NLGN1: variants seen among roughly 807,000 people sequenced by gnomAD.
NLGN1 encodes neuroligin-1.
A neutral mutation model predicts 65.5 loss-of-function variants in NLGN1; 12 were observed. The observed-to-expected ratio is 0.18, with a 90% CI of 0.12 to 0.30. The LOEUF (loss-of-function observed/expected upper bound fraction) is 0.30. Ranked by LOEUF, NLGN1 falls within the 10% of genes least tolerant of loss-of-function variation. The pLI is 1.00. For synonymous variants in NLGN1, 350 were observed against 359.5 expected, an observed-to-expected ratio of 0.97 and a Z score of 0.30; for missense variants, 750 against 1,007.1, an observed-to-expected ratio of 0.74 and a Z score of 3.46.
At chr3:174,272,665 GGATAGATAGATAGATAGATA>G (rs779724767) in intron 4 of NLGN1, among the ~76,000 whole-genome samples, 1 of 116,546 alleles carries the variant, frequency 8.6e-6, no homozygotes, top group Non-Finnish European at 1.9e-5. Flanking sequence ...ATGGATGGAT[GGATAGATAGATAGATAGATA>G]GATAGATAGA....
chr3:173,909,927 C>CT (rs1230160170), intron 4 of NLGN1, among the ~76,000 whole-genome samples: 1 of 152,176 alleles, frequency 6.6e-6, no homozygotes, highest in East Asian at 1.9e-4. Flanking sequence ...TTCCACCCTA[C>CT]TTGGCCTCCC....
intron 3 of NLGN1, among the ~76,000 whole-genome samples, chr3:173,634,218 A>C (rs1002272252): frequency 6.6e-6 from 1 of 152,168 alleles, no homozygotes. Context: ...ACTTCTTCAA[A>C]ATCACTAGAC....
chr3:173,455,256 T>G (rs549694469), intron 2 of NLGN1, among the ~76,000 whole-genome samples: 1 of 152,294 alleles, frequency 6.6e-6, no homozygotes, highest in Admixed American at 6.5e-5. Context: ...GAGCCAGTGC[T>G]TAACATGGTG....
chr3:173,663,884 C>T (rs1220682252), intron 3 of NLGN1, among the ~76,000 whole-genome samples: 1 of 149,638 alleles, frequency 6.7e-6, no homozygotes, highest in Non-Finnish European at 1.5e-5. Flanking sequence ...CCATTATGAG[C>T]AGTCTTTTTC....
chr3:173,567,926 A>C (rs551261186), intron 2 of NLGN1, among the ~76,000 whole-genome samples: 1 of 152,280 alleles, frequency 6.6e-6, no homozygotes, highest in Non-Finnish European at 1.5e-5. Flanking sequence ...ATTAACAGTA[A>C]TTTGAATAAA....
intron 4 of NLGN1, among the ~76,000 whole-genome samples, chr3:174,006,652 G>T (rs904701325): frequency 2.0e-5 from 3 of 152,126 alleles, no homozygotes; most frequent in African/African-American, 4.8e-5. Flanking sequence ...AAATTCATAT[G>T]TTGAAGCCCT....
At chr3:173,538,022 G>A (rs912770982) in intron 2 of NLGN1, among the ~76,000 whole-genome samples, 7 of 152,174 alleles carry the variant, frequency 4.6e-5, no homozygotes, top group Non-Finnish European at 8.8e-5. Context: ...CCTAGGGGAA[G>A]CATTTCTTTC....
chr3:173,765,737 A>G (rs1251562366), intron 3 of NLGN1, among the ~76,000 whole-genome samples: 1 of 152,202 alleles, frequency 6.6e-6, no homozygotes, highest in African/African-American at 2.4e-5. Flanking sequence ...TTATACGGTA[A>G]GAATACCAAA....
chr3:174,213,319 AT>A (rs1204997979), intron 4 of NLGN1, among the ~76,000 whole-genome samples: 1 of 152,162 alleles, frequency 6.6e-6, no homozygotes, highest in African/African-American at 2.4e-5. Flanking sequence ...TTAGAGTATA[AT>A]TTTCTGAAAA....
chr3:173,663,595 A>G (rs1022193728), intron 3 of NLGN1, among the ~76,000 whole-genome samples: 5 of 152,048 alleles, frequency 3.3e-5, no homozygotes, highest in Non-Finnish European at 5.9e-5. Flanking sequence ...GTGCTGAACA[A>G]GAGAAGCTCC....
intron 3 of NLGN1, among the ~76,000 whole-genome samples, chr3:173,698,104 C>T (rs552244283): frequency 6.6e-6 from 1 of 150,600 alleles, no homozygotes; most frequent in East Asian, 1.9e-4. Flanking sequence ...TTCCCATGTT[C>T]TAGTTCATTA....
intron 4 of NLGN1, among the ~76,000 whole-genome samples, chr3:174,105,584 T>C (rs529079978): frequency 3.9e-4 from 58 of 149,976 alleles, no homozygotes; most frequent in South Asian, 1.1e-3. Context: ...AAACAAAGAA[T>C]TTTTCTTTTA....
intron 2 of NLGN1, among the ~76,000 whole-genome samples, chr3:173,575,254 A>AT (rs1745326868): frequency 6.6e-6 from 1 of 152,234 alleles, no homozygotes; most frequent in Non-Finnish European, 1.5e-5. Flanking sequence ...TAGCAAACAC[A>AT]TATGAGCATC....
chr3:173,544,873 C>T (rs930029827), intron 2 of NLGN1, among the ~76,000 whole-genome samples: 2 of 151,864 alleles, frequency 1.3e-5, no homozygotes, highest in African/African-American at 4.8e-5. Context: ...TTAGAAAGAA[C>T]GGGAGGGAGA....
At chr3:173,913,335 A>C (rs529078946) in intron 4 of NLGN1, among the ~76,000 whole-genome samples, 15 of 152,294 alleles carry the variant, frequency 9.8e-5, no homozygotes, top group Admixed American at 5.9e-4. Context: ...TTTGAGATTT[A>C]GATGTTTGAT....
rs766715304 is a variant in NLGN1, at chr3:174,088,806, A to AAAAC, written c.647-186508_647-186505dup. ...TAAATAAATAAATAAATAAATAAAT[A>AAAAC]AAACTAGATTATTTTTTACTTCTTA... On this transcript the variant is annotated intron_variant, in intron 4 of 6. Coordinates refer to ENST00000457714, the Ensembl canonical transcript of NLGN1. 1.4e-4 allele frequency among the ~76,000 whole-genome samples: 21 copies of AAAAC among 147,682 alleles called. No individual in the cohort carries two copies. In the Middle Eastern group the frequency reaches 0.014, roughly 98 times the overall value.
intron 4 of NLGN1, among the ~76,000 whole-genome samples, chr3:174,056,216 A>G (rs1736042762): frequency 6.6e-6 from 1 of 152,042 alleles, no homozygotes; most frequent in African/African-American, 2.4e-5. Context: ...ATTTATTCAG[A>G]AATACATTTT....
At chr3:173,921,297 T>A (rs929791780) in intron 4 of NLGN1, among the ~76,000 whole-genome samples, 1 of 147,914 alleles carries the variant, frequency 6.8e-6, no homozygotes, top group Non-Finnish European at 1.5e-5. Context: ...ATATATATTA[T>A]ATATTTCTAC....
intron 4 of NLGN1, among the ~76,000 whole-genome samples, chr3:174,007,865 T>A (rs910636405): frequency 2.6e-5 from 4 of 152,090 alleles, no homozygotes; most frequent in African/African-American, 9.7e-5. Context: ...ACAAACATGA[T>A]GAGGCTGGAT....
Sources: gnomAD v4.1 joint callset for allele counts (sites outside exome capture counted in the v4.1 genomes callset) on GRCh38, gnomAD v4.1.1 for gene constraint, MANE v1.5 for transcripts, NCBI Gene and HGNC (gene_info 2026-07-23, HGNC 2026-07-21) for gene names.